UPF2: variants seen among roughly 807,000 people sequenced by gnomAD.
The protein encoded by UPF2 is regulator of nonsense transcripts 2.
In UPF2, 17 loss-of-function variants were observed where a neutral mutation model predicts 141.4. The ratio of observed to expected loss-of-function variants is 0.12; its 90% CI spans 0.08 to 0.18. The LOEUF is 0.18. UPF2 is among the 10% of genes least tolerant of loss of function. UPF2 has a pLI of 1.00. For missense variants in UPF2, 1,152 were observed against 1,515.9 expected, an observed-to-expected ratio of 0.76 and a Z score of 3.99; for synonymous variants, 540 against 498.0, an observed-to-expected ratio of 1.08 and a Z score of -1.12.
At chr10:11,930,627 T>G (rs1832771817) in intron 20 of UPF2, among the ~76,000 whole-genome samples, 1 of 152,076 alleles carries the variant, frequency 6.6e-6, no homozygotes, top group Admixed American at 6.6e-5. Flanking sequence ...AAATTAAAAA[T>G]TAGCCAGGTA....
chr10:12,040,582 G>A (rs1023606017), intron 1 of UPF2, among the ~76,000 whole-genome samples: 20 of 151,600 alleles, frequency 1.3e-4, no homozygotes, highest in Admixed American at 6.6e-5. Context: ...GTATACTTGC[G>A]ACTAAATTTC....
rs1448751535 is a variant in UPF2 at position 12,004,522 on chromosome 10, G to C, written c.1504+8C>G. On this transcript the variant is annotated splice_region_variant and intron_variant, in intron 5 of 21. Coordinates refer to ENST00000357604, the MANE Select transcript of UPF2 (RefSeq NM_015542.4). Reference sequence around the variant, plus strand: ...ACTTAATGTAAATATTTTTTCTCTAGAATTTACCTTTGGTATCATCTTTGT... The same window carrying C: ...ACTTAATGTAAATATTTTTTCTCTACAATTTACCTTTGGTATCATCTTTGT... The C allele has an allele frequency of 1.3e-6, 2 of 1,594,850 alleles. No individual in the cohort carries two copies. The highest frequency in any genetic ancestry group is 2.2e-5 in the East Asian group (1 of 44,450).
At position 11,936,530 on chromosome 10, in the gene UPF2, C is replaced by A; in HGVS notation, c.3546+15G>T. ...CTCACAATCAGCTATAATTACAGGG[C>A]GGGCAGTTTCTTACCTGCTGTTTAT... is the stretch of plus-strand genomic sequence containing the variant. On this transcript the variant is annotated intron_variant, in intron 19 of 21. Transcript: ENST00000357604. This position sits in a 1 kb window ranked among gnomAD's most constrained non-coding sequence, Gnocchi z 6.6. 6.3e-7 allele frequency: 1 copy of A among 1,583,904 alleles called. No homozygotes were observed.
At chr10:11,932,152 T>TAA (rs58896069) in intron 19 of UPF2, among the ~76,000 whole-genome samples, 52 of 143,212 alleles carry the variant, frequency 3.6e-4, no homozygotes, top group Non-Finnish European at 6.7e-4. Flanking sequence ...CCAACTCAAT[T>TAA]AAAAAAAAAA....
At position 12,019,336 on chromosome 10, in the gene UPF2, T is replaced by C. The variant is rs566762981; in HGVS notation, c.1146-5152A>G. On this transcript the variant is annotated intron_variant, in intron 3 of 21. Transcript: ENST00000357604. The surrounding 1 kb of genome is among the most constrained non-coding windows in gnomAD (Gnocchi z 4.5). ...ATTTATGAACACTGAAATTTGAACTTCAAATCATTTTCATGCTTCCCAAAA... is the reference window on the plus strand; with the variant it reads ...ATTTATGAACACTGAAATTTGAACTCCAAATCATTTTCATGCTTCCCAAAA... Among the ~76,000 whole-genome samples the C allele has an allele frequency of 6.6e-6, 1 of 152,242 alleles. No individual in the cohort carries two copies.
chr10:11,993,099 G>A (rs1833806630), intron 8 of UPF2, among the ~76,000 whole-genome samples: 1 of 133,998 alleles, frequency 7.5e-6, no homozygotes, highest in South Asian at 2.4e-4. Context: ...GCAGTGAGCA[G>A]AGATCACACC....
At chr10:12,021,175 C>T (rs1834311131) in intron 3 of UPF2, among the ~76,000 whole-genome samples, 1 of 152,088 alleles carries the variant, frequency 6.6e-6, no homozygotes, top group Admixed American at 6.6e-5. Context: ...CCTTTAATCC[C>T]TTTGTTTTAC....
chr10:12,009,563 T>C (rs982854181), intron 4 of UPF2, among the ~76,000 whole-genome samples: 4 of 152,184 alleles, frequency 2.6e-5, no homozygotes, highest in Non-Finnish European at 5.9e-5. Context: ...TTTCAAACAC[T>C]GGACATCAGG....
rs2131326261 is a variant in UPF2, at chr10:12,042,227, A to G, written c.-19+528T>C. Reference sequence around the variant, plus strand: ...CTTCCCCGACACAACTCCCCTTCCCACAGGTATCCACGGTCACCTTCGCGG... The same window carrying G: ...CTTCCCCGACACAACTCCCCTTCCCGCAGGTATCCACGGTCACCTTCGCGG... On this transcript the variant is annotated intron_variant, in intron 1 of 21. Coordinates refer to ENST00000357604, the MANE Select transcript of UPF2 (RefSeq NM_015542.4). This position sits in a 1 kb window ranked among gnomAD's most constrained non-coding sequence, Gnocchi z 5.5. Among the ~76,000 whole-genome samples, 2 of 140,096 alleles carry G rather than the reference A, an allele frequency of 1.4e-5. No individual in the cohort carries two copies. Among genetic ancestry groups the G allele is most frequent in the East Asian group, 4.2e-4 (2 of 4,738 alleles). 91.9% of individuals were successfully genotyped at this position (140,096 alleles called of 152,430 possible). A position where few individuals can be genotyped will look rare whatever the true frequency, so the allele number is the denominator to read the frequency against.
chr10:11,930,653 G>A (rs1348548290), intron 20 of UPF2, among the ~76,000 whole-genome samples: 1 of 152,158 alleles, frequency 6.6e-6, no homozygotes, highest in Non-Finnish European at 1.5e-5. Context: ...GCACATGTCT[G>A]TAATCTTAGC....
intron 16 of UPF2, among the ~76,000 whole-genome samples, chr10:11,944,524 T>C (rs1002216737): frequency 2.0e-5 from 3 of 152,022 alleles, no homozygotes; most frequent in Non-Finnish European, 4.4e-5. Flanking sequence ...CACCAATACA[T>C]TACCTTTTCC....
At chr10:11,963,092 AG>A (rs1220127093) in intron 11 of UPF2, among the ~76,000 whole-genome samples, 3 of 152,152 alleles carry the variant, frequency 2.0e-5, no homozygotes, top group African/African-American at 7.2e-5. Flanking sequence ...GGTCTAGCAC[AG>A]AGTTCACACC....
In UPF2 at chr10:12,028,906, CTT is replaced by C; in HGVS notation, c.982_983del (p.Lys328GlufsTer7). On this transcript the variant is annotated frameshift_variant, in exon 3 of 22. Coordinates refer to ENST00000357604, the MANE Select transcript of UPF2 (RefSeq NM_015542.4). LOFTEE classifies it high-confidence loss of function. ...DIAGLVPRKV[K>X]SAAEKFNLSF... The stretch of plus-strand genomic sequence containing the variant: ...TCAAATTAAACTTCTCTGCAGCACT[CTT>C]TACTTTCCTTGGTACAAGTCCAGCA... 6.2e-7 allele frequency: 1 copy of C among 1,614,186 alleles called. No individual in the cohort carries two copies. The highest frequency in any genetic ancestry group is 8.5e-7 in the Non-Finnish European group (1 of 1,180,038).
intron 4 of UPF2, among the ~76,000 whole-genome samples, chr10:12,009,164 T>A (rs118022200): frequency 0.052 from 7,962 of 152,284 alleles, 283 homozygotes; most frequent in Non-Finnish European, 0.08. Context: ...TTAAAATGCA[T>A]ATATCCTTTT....
At chr10:11,997,149 CT>C (rs1362493243) in intron 8 of UPF2, among the ~76,000 whole-genome samples, 1 of 152,100 alleles carries the variant, frequency 6.6e-6, no homozygotes, top group African/African-American at 2.4e-5. Flanking sequence ...CATTATGCAA[CT>C]GAATGTGTGT....
At chr10:11,966,410 A>T (rs1267409784) in intron 10 of UPF2, among the ~76,000 whole-genome samples, 1 of 150,134 alleles carries the variant, frequency 6.7e-6, no homozygotes. Flanking sequence ...TTATCATTAC[A>T]AACCAGCCTT....
chr10:12,009,337 C>T (rs564193782), intron 4 of UPF2, among the ~76,000 whole-genome samples: 2 of 151,990 alleles, frequency 1.3e-5, no homozygotes, highest in African/African-American at 2.4e-5. Context: ...AACAACCATA[C>T]AAAAGGATAT....
In UPF2 at chr10:11,977,094, G is replaced by T. The variant is rs552649692; in HGVS notation, c.1953+1963C>A. 1.2e-3 allele frequency among the ~76,000 whole-genome samples: 181 copies of T among 152,312 alleles called. 1 individual carries two copies. Among genetic ancestry groups the T allele is most frequent in the Admixed American group, 2.4e-3 (37 of 15,300 alleles). ...ACAGGCAACTGGAAAAACACTGGTG[G>T]TCTCTGCCAGGGTGCTGCTATGATG... On this transcript the variant is annotated intron_variant, in intron 9 of 21. Transcript: ENST00000357604.
At chr10:11,987,741 G>A (rs1231519587) in intron 8 of UPF2, among the ~76,000 whole-genome samples, 5 of 113,236 alleles carry the variant, frequency 4.4e-5, no homozygotes, top group African/African-American at 7.0e-5. Flanking sequence ...CAGCCTGGGC[G>A]ATAGAGCAAG....
Sources: gnomAD v4.1 joint callset for allele counts (sites outside exome capture counted in the v4.1 genomes callset) on GRCh38, gnomAD v4.1.1 for gene constraint, Gnocchi (gnomAD v3.1) non-coding constraint, MANE v1.5 for transcripts, NCBI Gene and HGNC (gene_info 2026-07-23, HGNC 2026-07-21) for gene names.